The following TEC variants were observed in gnomAD, a reference collection of about 807,000 sequenced individuals.
The protein encoded by TEC is tyrosine-protein kinase Tec.
Under a neutral mutation model 93.0 loss-of-function variants are expected in TEC, and 72 were observed. That is an observed-to-expected ratio of 0.77 (90% CI 0.64 to 0.94). TEC has a LOEUF of 0.94. Ranked by LOEUF, TEC falls within the 40% of genes least tolerant of loss-of-function variation. The pLI is 0.00. For synonymous variants in TEC, 249 were observed against 247.7 expected, an observed-to-expected ratio of 1.01 and a Z score of -0.05; for missense variants, 630 against 757.9, an observed-to-expected ratio of 0.83 and a Z score of 1.98.
At chr4:48,223,484 T>G (rs1723332548) in intron 2 of TEC, among the ~76,000 whole-genome samples, 1 of 152,204 alleles carries the variant, frequency 6.6e-6, no homozygotes, top group South Asian at 2.1e-4. Context: ...TGTGCAGGTT[T>G]TTAATTTTTC....
In TEC at chr4:48,138,672, C is replaced by T. The variant is rs1212392632; in HGVS notation, c.1805G>A (p.Trp602Ter). Residue 602 changes from tryptophan (W) to a stop codon, truncating the protein, a stop_gained, in exon 17 of 18, where the codon TGG becomes TAG. Transcript: ENST00000381501. LOFTEE classifies it high-confidence loss of function. ...NYVYEVMLRCWQEKPEGRPSF... is the reference protein window; with the variant it reads ...NYVYEVMLRC ...CACACAAAAAATCTATACCTCCTGC[C>T]AACATCTCAGCATCACCTCATACAC... is the stretch of plus-strand genomic sequence containing the variant. 1 of 1,603,258 alleles carries T rather than the reference C, an allele frequency of 6.2e-7. No homozygotes were observed. Among genetic ancestry groups the T allele is most frequent in the Non-Finnish European group, 8.5e-7 (1 of 1,176,496 alleles).
chr4:48,181,674 AAAAAAAAAAAAAAG>A (rs1459306364), intron 2 of TEC, among the ~76,000 whole-genome samples: 1 of 58,972 alleles, frequency 1.7e-5, no homozygotes, highest in Non-Finnish European at 3.1e-5. Flanking sequence ...CTCTGTCTCA[AAAAAAAAAAAAAAG>A]AAAAAAGAAA....
At chr4:48,145,882 C>G (rs779186306) in intron 12 of TEC, among the ~76,000 whole-genome samples, 3 of 152,144 alleles carry the variant, frequency 2.0e-5, no homozygotes, top group Non-Finnish European at 4.4e-5. Context: ...TTCTTTACCA[C>G]TCTTCCTTCT....
intron 2 of TEC, among the ~76,000 whole-genome samples, chr4:48,224,106 A>G (rs1337448406): frequency 6.6e-6 from 1 of 152,102 alleles, no homozygotes; most frequent in Non-Finnish European, 1.5e-5. Context: ...GAGTCCTGTG[A>G]GCTGTCATAG....
chr4:48,198,567 A>C (rs2457415), intron 2 of TEC, among the ~76,000 whole-genome samples: 36,426 of 152,038 alleles, frequency 0.24, 5,670 homozygotes, highest in East Asian at 0.54. Context: ...CTCTTTGTCC[A>C]ACATAATATA....
intron 6 of TEC, 62 bp from the exon 7 acceptor site, chr4:48,168,015 A>C (rs1720944495): frequency 6.8e-7 from 1 of 1,475,682 alleles, no homozygotes; most frequent in African/African-American, 1.4e-5. Context: ...CATGAATCAA[A>C]ACACTAAATG....
intron 1 of TEC, among the ~76,000 whole-genome samples, chr4:48,244,587 T>C (rs1234343843): frequency 6.6e-6 from 1 of 152,230 alleles, no homozygotes; most frequent in East Asian, 1.9e-4. Context: ...CCAAATCATA[T>C]CAAACCCAAA....
At chr4:48,189,507 G>A (rs1272333573) in intron 2 of TEC, among the ~76,000 whole-genome samples, 1 of 152,178 alleles carries the variant, frequency 6.6e-6, no homozygotes, top group Non-Finnish European at 1.5e-5. Flanking sequence ...AAAAGATACA[G>A]AAAATGCAGA....
chr4:48,148,351 T>C (rs888143523), intron 11 of TEC, among the ~76,000 whole-genome samples: 1 of 152,198 alleles, frequency 6.6e-6, no homozygotes, highest in East Asian at 1.9e-4. Flanking sequence ...TCAAAATTTT[T>C]CATAAGTTGT....
Position 48,170,782 on chromosome 4 carries a change from G to A in TEC, c.326-406C>T, listed in dbSNP as rs566661256. On this transcript the variant is annotated intron_variant, in intron 4 of 17. Transcript: ENST00000381501. ...TACCAAATCCTGGGCCGGGTGCAGC[G>A]GCTCATGTCTATAATCCCAACACTT... is the stretch of plus-strand genomic sequence containing the variant. 1.3e-4 allele frequency among the ~76,000 whole-genome samples: 20 copies of A among 152,306 alleles called. 1 individual carries two copies. The South Asian group carries it at 2.1e-3, about 16-fold the overall frequency.
At chr4:48,192,663 G>C (rs141650758) in intron 2 of TEC, among the ~76,000 whole-genome samples, 34 of 152,116 alleles carry the variant, frequency 2.2e-4, no homozygotes, top group Admixed American at 1.6e-3. Context: ...AAAAAAAAAT[G>C]AGTAGAAAGA....
intron 2 of TEC, among the ~76,000 whole-genome samples, chr4:48,218,587 C>A (rs1723152820): frequency 6.6e-6 from 1 of 152,176 alleles, no homozygotes; most frequent in East Asian, 1.9e-4. Context: ...AGATACAAAC[C>A]TTCAGGTAAA....
At chr4:48,163,809 G>T in intron 7 of TEC, 42 bp from the exon 8 acceptor site, 1 of 1,094,768 alleles carries the variant, frequency 9.1e-7, no homozygotes, top group Non-Finnish European at 1.3e-6. Context: ...TACTTTACTG[G>T]GAGGTTATTG....
intron 10 of TEC, 32 bp downstream of exon 10, chr4:48,150,831 A>T (rs1430820672): frequency 6.9e-7 from 1 of 1,457,386 alleles, no homozygotes; most frequent in Non-Finnish European, 9.1e-7. Context: ...CAAAAACTCT[A>T]AATTATAAAA....
chr4:48,179,595 G>A (rs1721505814), intron 2 of TEC, among the ~76,000 whole-genome samples: 1 of 151,278 alleles, frequency 6.6e-6, no homozygotes, highest in African/African-American at 2.4e-5. Flanking sequence ...CATCAGGTTG[G>A]CCGGGCTGGT....
chr4:48,168,355 T>C (rs1254025094), intron 6 of TEC, among the ~76,000 whole-genome samples: 2 of 152,204 alleles, frequency 1.3e-5, no homozygotes, highest in East Asian at 3.9e-4. Flanking sequence ...AAATGCCAGA[T>C]GATAACAGGA....
chr4:48,141,580 C>G (rs2109502844), intron 14 of TEC, 161 bp from the exon 15 acceptor site: 1 of 580,550 alleles, frequency 1.7e-6, no homozygotes, highest in East Asian at 3.0e-5. Flanking sequence ...GGAAGTATTT[C>G]CATTGTGTAT....
At chr4:48,256,508 G>A (rs1293268123) in intron 1 of TEC, among the ~76,000 whole-genome samples, 1 of 148,800 alleles carries the variant, frequency 6.7e-6, no homozygotes, top group Non-Finnish European at 1.5e-5. Flanking sequence ...AGGGAGGATC[G>A]CTTGACCCTG....
At chr4:48,213,686 T>G (rs1287671405) in intron 2 of TEC, among the ~76,000 whole-genome samples, 1 of 152,246 alleles carries the variant, frequency 6.6e-6, no homozygotes, top group Non-Finnish European at 1.5e-5. Flanking sequence ...TAAATTGTCA[T>G]GTGATTTCTT....
Sources: gnomAD v4.1 joint callset for allele counts (sites outside exome capture counted in the v4.1 genomes callset) on GRCh38, gnomAD v4.1.1 for gene constraint, MANE v1.5 for transcripts, NCBI Gene and HGNC (gene_info 2026-07-23, HGNC 2026-07-21) for gene names.